Variants in KDM4C observed in about 807,000 individuals in gnomAD.
KDM4C encodes the protein lysine demethylase 4C, also known as lysine-specific demethylase 4C.
KDM4C carries 81 observed loss-of-function variants against 129.3 expected under a neutral mutation model. The ratio of observed to expected loss-of-function variants is 0.63; its 90% CI spans 0.52 to 0.75. The LOEUF (loss-of-function observed/expected upper bound fraction) is 0.75. Ranked by LOEUF, KDM4C falls within the 30% of genes least tolerant of loss-of-function variation. The pLI, the probability that KDM4C is intolerant of heterozygous loss-of-function variation, is 0.00. For synonymous variants in KDM4C, 573 were observed against 456.1 expected, an observed-to-expected ratio of 1.26 and a Z score of -3.26; for missense variants, 1,457 against 1,304.0, an observed-to-expected ratio of 1.12 and a Z score of -1.81.
At chr9:6,986,696 T>G (rs1450202298) in intron 11 of KDM4C, 30 bp downstream of exon 11, 1 of 1,502,668 alleles carries the variant, frequency 6.7e-7, no homozygotes. Flanking sequence ...TTTTACCATA[T>G]TCATTATATG....
intron 19 of KDM4C, among the ~76,000 whole-genome samples, chr9:7,164,772 C>G (rs183356413): frequency 1.3e-5 from 2 of 152,156 alleles, no homozygotes; most frequent in Non-Finnish European, 2.9e-5. Flanking sequence ...TCGCAGGAGT[C>G]TCAGTTTCCT....
At chr9:6,927,093 A>ATCTATCTATCTG (rs1563826557) in intron 8 of KDM4C, among the ~76,000 whole-genome samples, 1 of 54,966 alleles carries the variant, frequency 1.8e-5, no homozygotes. Flanking sequence ...AAAATTTTCT[A>ATCTATCTATCTG]TCTATCTATC....
intron 3 of KDM4C, among the ~76,000 whole-genome samples, chr9:6,813,048 G>A (rs1301064949): frequency 6.6e-6 from 1 of 152,076 alleles, no homozygotes; most frequent in Non-Finnish European, 1.5e-5. Context: ...GGTGGTGCAT[G>A]CTTGTAATCC....
chr9:7,003,369 G>A (rs1029184353), intron 12 of KDM4C, among the ~76,000 whole-genome samples: 5 of 151,330 alleles, frequency 3.3e-5, no homozygotes, highest in African/African-American at 1.2e-4. Flanking sequence ...CTTCAGCCAC[G>A]CTGGTAATGC....
intron 6 of KDM4C, 52 bp from the exon 7 acceptor site, chr9:6,887,908 A>G: frequency 9.5e-7 from 1 of 1,058,044 alleles, no homozygotes; most frequent in Non-Finnish European, 1.5e-6. Flanking sequence ...AACCTATTTG[A>G]TATTTTCTCT....
intron 8 of KDM4C, among the ~76,000 whole-genome samples, chr9:6,908,085 A>G (rs941211224): frequency 1.3e-5 from 2 of 152,138 alleles, no homozygotes; most frequent in Non-Finnish European, 2.9e-5. Flanking sequence ...CACATTTGTA[A>G]TCGGTATGTT....
chr9:6,810,950 TAAAC>T (rs1831033202), intron 3 of KDM4C, among the ~76,000 whole-genome samples: 1 of 152,224 alleles, frequency 6.6e-6, no homozygotes. Flanking sequence ...GTTGTAATGT[TAAAC>T]AACTTTTGAA....
intron 8 of KDM4C, among the ~76,000 whole-genome samples, chr9:6,897,168 A>T (rs373824892): frequency 1.5e-3 from 230 of 152,286 alleles, no homozygotes; most frequent in Non-Finnish European, 2.6e-3. Context: ...CTTTTTTCAC[A>T]GTATCCATCC....
At chr9:6,792,329 C>A (rs936118085) in intron 1 of KDM4C, among the ~76,000 whole-genome samples, 7 of 151,842 alleles carry the variant, frequency 4.6e-5, no homozygotes, top group Non-Finnish European at 8.8e-5. Flanking sequence ...GGCAATATAG[C>A]GAGACTGTCT....
At chr9:7,100,173 A>G (rs902502892) in intron 17 of KDM4C, among the ~76,000 whole-genome samples, 1 of 152,176 alleles carries the variant, frequency 6.6e-6, no homozygotes, top group Admixed American at 6.5e-5. Context: ...AAAGCAGGCA[A>G]ATTGCTTGAG....
At chr9:6,826,482 A>C (rs1472735843) in intron 4 of KDM4C, among the ~76,000 whole-genome samples, 1 of 152,142 alleles carries the variant, frequency 6.6e-6, no homozygotes, top group African/African-American at 2.4e-5. Context: ...TTTTTGTGGT[A>C]CAATGAACAT....
In KDM4C at chr9:7,090,159, A is replaced by G. The variant is rs542960387; in HGVS notation, c.2425-13526A>G. 1.2e-4 allele frequency among the ~76,000 whole-genome samples: 18 copies of G among 152,294 alleles called. No individual in the cohort carries two copies. The South Asian group carries it at 3.7e-3, about 32-fold the overall frequency. ...CTTAAGGTAGATGAAAATTTGATAG[A>G]TGCACTTATAACCTCTTCAGAGCTT... On this transcript the variant is annotated intron_variant, in intron 17 of 21. Transcript: ENST00000381309.
At chr9:6,767,307 A>AT (rs994509823) in intron 1 of KDM4C, among the ~76,000 whole-genome samples, 9 of 147,252 alleles carry the variant, frequency 6.1e-5, no homozygotes, top group Non-Finnish European at 1.2e-4. Flanking sequence ...CGCCCGGCTA[A>AT]TTTTTTTGTG....
Position 6,925,201 on chromosome 9 carries a change from G to A in KDM4C, c.921+31969G>A, listed in dbSNP as rs1007312307. The A allele has an allele frequency of 1.9e-5, 19 of 985,282 alleles. No homozygotes were observed. The East Asian group carries it at 4.5e-4, about 24-fold the overall frequency. 61.0% of individuals were successfully genotyped at this position (985,282 alleles called of 1,614,324 possible). A position where few individuals can be genotyped will look rare whatever the true frequency, so the allele number is the denominator to read the frequency against. ...TAAACATCCAGGGCTGTCACTGTTG[G>A]CGATACAGCTCATGTGAGAGCTGTG... is the stretch of plus-strand genomic sequence containing the variant. On this transcript the variant is annotated intron_variant, in intron 8 of 21. Transcript: ENST00000381309.
intron 2 of KDM4C, among the ~76,000 whole-genome samples, chr9:6,801,055 A>C (rs998344959): frequency 6.6e-6 from 1 of 151,582 alleles, no homozygotes; most frequent in African/African-American, 2.4e-5. Flanking sequence ...TGAGCTAACA[A>C]CTCTCACTTA....
intron 4 of KDM4C, among the ~76,000 whole-genome samples, chr9:6,828,676 A>G (rs187667894): frequency 6.7e-6 from 1 of 149,530 alleles, no homozygotes; most frequent in Non-Finnish European, 1.5e-5. Flanking sequence ...TTCGAGACCA[A>G]CCTGGCCAAA....
At chr9:7,008,678 C>A (rs1379381232) in intron 12 of KDM4C, among the ~76,000 whole-genome samples, 1 of 152,212 alleles carries the variant, frequency 6.6e-6, no homozygotes, top group Non-Finnish European at 1.5e-5. Context: ...CAAGCTGGCC[C>A]CCGTGAACCC....
chr9:7,037,432 A>G (rs773741439), intron 15 of KDM4C, among the ~76,000 whole-genome samples: 1 of 152,202 alleles, frequency 6.6e-6, no homozygotes, highest in Non-Finnish European at 1.5e-5. Context: ...TGACAGCCAT[A>G]TTACAACAAT....
chr9:6,800,381 A>G (rs955759518), intron 2 of KDM4C, among the ~76,000 whole-genome samples: 1 of 151,428 alleles, frequency 6.6e-6, no homozygotes, highest in Non-Finnish European at 1.5e-5. Flanking sequence ...CAAACAAACA[A>G]ACAAAAAATT....
Sources: allele counts gnomAD v4.1 joint callset (sites outside exome capture counted in the v4.1 genomes callset), GRCh38; gene constraint gnomAD v4.1.1; transcripts MANE v1.5; gene names NCBI Gene and HGNC (gene_info 2026-07-23, HGNC 2026-07-21).